The following INHBC variants were observed in gnomAD, a reference collection of about 807,000 sequenced individuals.
INHBC encodes the protein inhibin subunit beta C.
A neutral mutation model predicts 12.4 loss-of-function variants in INHBC; 10 were observed. The ratio of observed to expected loss-of-function variants is 0.81; its 90% CI spans 0.50 to 1.37. The LOEUF (loss-of-function observed/expected upper bound fraction) is 1.37, where lower values mean the gene tolerates loss of function less well. INHBC is among the 40% of genes most tolerant of loss of function. INHBC has a pLI of 0.00. For synonymous variants in INHBC, 147 were observed against 171.6 expected, an observed-to-expected ratio of 0.86 and a Z score of 1.12; for missense variants, 382 against 439.4, an observed-to-expected ratio of 0.87 and a Z score of 1.17.
intron 1 of INHBC, among the ~76,000 whole-genome samples, chr12:57,447,453 G>A (rs1452509306): frequency 6.6e-6 from 1 of 151,490 alleles, no homozygotes; most frequent in Non-Finnish European, 1.5e-5. Context: ...CCAAAGTGCT[G>A]GGATTACAGA....
In INHBC at chr12:57,436,226, A is replaced by G. The variant is rs1263189195; in HGVS notation, c.313+1027A>G. Among the ~76,000 whole-genome samples the G allele has an allele frequency of 2.8e-5, 4 of 141,082 alleles. No individual in the cohort carries two copies. In the East Asian group the frequency reaches 8.4e-4, roughly 30 times the overall value. 92.6% of individuals were successfully genotyped at this position (141,082 alleles called of 152,430 possible). On this transcript the variant is annotated intron_variant, in intron 1 of 1. Coordinates refer to ENST00000309668, the MANE Select transcript of INHBC (RefSeq NM_005538.4). ...GTCACCCAGGCTGGAGTGCAATGGC[A>G]TGGTCTCAGGTCACTGCAACCTCTG... is the stretch of plus-strand genomic sequence containing the variant.
intron 1 of INHBC, among the ~76,000 whole-genome samples, chr12:57,438,526 T>G (rs1331878266): frequency 6.6e-6 from 1 of 152,208 alleles, no homozygotes; most frequent in East Asian, 1.9e-4. Context: ...ATCCCAAGTT[T>G]CTTTAGAGAA....
rs1566551457 is a variant in INHBC at position 57,447,919 on chromosome 12, AT to A, written c.314-1357del. Among the ~76,000 whole-genome samples, 496 of 111,054 alleles carry A rather than the reference AT, an allele frequency of 4.5e-3. 14 individuals are homozygous for A. Among genetic ancestry groups the A allele is most frequent in the African/African-American group, 0.016 (473 of 29,942 alleles). The allele number at this position is 111,054 out of a possible 152,430, so 72.9% of individuals were successfully genotyped here. A position where few individuals can be genotyped will look rare whatever the true frequency, so the allele number is the denominator to read the frequency against. ...TATATATATATATATATATATATATATATAAAATATATGTGTGTGTGCTTGT... is the reference window on the plus strand; with the variant it reads ...TATATATATATATATATATATATATAATAAAATATATGTGTGTGTGCTTGT... On this transcript the variant is annotated intron_variant, in intron 1 of 1. Coordinates refer to ENST00000309668, the MANE Select transcript of INHBC (RefSeq NM_005538.4).
Position 57,436,384 on chromosome 12 carries a change from C to T in INHBC, c.313+1185C>T, listed in dbSNP as rs185910582. 1.4e-3 allele frequency among the ~76,000 whole-genome samples: 214 copies of T among 151,122 alleles called. 2 individuals are homozygous for T. The highest frequency in any genetic ancestry group is 4.9e-3 in the African/African-American group (200 of 41,216). ...TTCACTATGTTGGCCACGCTGGTCTCGAACTCCTGACCTCGTGATCCGCCT... is the reference window on the plus strand; with the variant it reads ...TTCACTATGTTGGCCACGCTGGTCTTGAACTCCTGACCTCGTGATCCGCCT... On this transcript the variant is annotated intron_variant, in intron 1 of 1. Coordinates refer to ENST00000309668, the MANE Select transcript of INHBC (RefSeq NM_005538.4).
rs138308060 is a variant in INHBC, at chr12:57,449,636, G to T, written c.673G>T (p.Val225Leu). 6.2e-7 allele frequency: 1 copy of T among 1,614,252 alleles called. No homozygotes were observed. The highest frequency in any genetic ancestry group is 2.2e-5 in the East Asian group (1 of 44,886). ...AAHRPFVAAR[V>L]RVGGKHQIHR... ...CCATAGGCCTTTTGTGGCAGCCCGGGTGAGAGTTGGGGGCAAACACCAGAT... is the reference window on the plus strand; with the variant it reads ...CCATAGGCCTTTTGTGGCAGCCCGGTTGAGAGTTGGGGGCAAACACCAGAT... Residue 225 changes from valine (V) to leucine (L), a missense_variant, in exon 2 of 2, where the codon GTG becomes TTG. Transcript: ENST00000309668.
chr12:57,435,332 T>G, intron 1 of INHBC, 133 bp downstream of exon 1: 37 of 863,482 alleles, frequency 4.3e-5, no homozygotes, highest in Non-Finnish European at 6.0e-5. Flanking sequence ...TATAATCTCC[T>G]TACCCAGGTG....
At position 57,449,709 on chromosome 12, in the gene INHBC, G is replaced by C. The variant is rs61740571; in HGVS notation, c.746G>C (p.Arg249Pro). ...CAAGGAGGGTCCAGGATGTGCTGTC[G>C]ACAAGAGTTTTTTGTGGACTTCCGT... ...DCQGGSRMCC[R>P]QEFFVDFREI... Residue 249 changes from arginine to proline, a missense_variant, in exon 2 of 2, where the codon CGA becomes CCA. Physicochemically the swap from Arg to Pro is moderately radical, Grantham distance 103 (BLOSUM62 -2). Transcript: ENST00000309668. 1.2e-6 allele frequency: 2 copies of C among 1,614,204 alleles called. No homozygotes were observed. Among genetic ancestry groups the C allele is most frequent in the Admixed American group, 3.3e-5 (2 of 60,028 alleles).
At position 57,434,813 on chromosome 12, in the gene INHBC, G is replaced by C; in HGVS notation, c.-74G>C. 7.1e-7 allele frequency: 1 copy of C among 1,411,668 alleles called. No homozygotes were observed. The highest frequency in any genetic ancestry group is 9.7e-7 in the Non-Finnish European group (1 of 1,032,782). 87.4% of individuals were successfully genotyped at this position (1,411,668 alleles called of 1,614,324 possible). ...TTCTTCCAGGGCCTCTGGCAGCCAG[G>C]ACAGAGTTGAGACCACAGCTGTTGA... On this transcript the variant is annotated 5_prime_UTR_variant, in exon 1 of 2. Transcript: ENST00000309668.
At chr12:57,436,465 T>C (rs1870342206) in intron 1 of INHBC, among the ~76,000 whole-genome samples, 1 of 143,294 alleles carries the variant, frequency 7.0e-6, no homozygotes, top group African/African-American at 2.5e-5. Flanking sequence ...GCCTGGCCTT[T>C]TCTTTTTCTT....
rs1295498051 is a variant in INHBC at position 57,450,549 on chromosome 12, CCTT to C, written c.*531_*533del. 6.6e-6 allele frequency: 1 copy of C among 152,404 alleles called. No homozygotes were observed. Among genetic ancestry groups the C allele is most frequent in the Non-Finnish European group, 1.5e-5 (1 of 68,204 alleles). The allele number at this position is 152,404 out of a possible 1,614,324, so 9.4% of individuals were successfully genotyped here. On this transcript the variant is annotated 3_prime_UTR_variant, in exon 2 of 2. Transcript: ENST00000309668. ...CCCCCTCTTTGTTGTGAGCCCCTGTCCTTCTTAGTTGTCCAGGTGAACTACTAA... is the reference window on the plus strand; with the variant it reads ...CCCCCTCTTTGTTGTGAGCCCCTGTCCTTAGTTGTCCAGGTGAACTACTAA...
intron 1 of INHBC, among the ~76,000 whole-genome samples, chr12:57,443,438 C>G (rs1870511206): frequency 6.6e-6 from 1 of 152,000 alleles, no homozygotes; most frequent in African/African-American, 2.4e-5. Flanking sequence ...GCATGCGCCA[C>G]CACGCCCGGC....
chr12:57,447,697 C>CAACA (rs1870609657), intron 1 of INHBC, among the ~76,000 whole-genome samples: 2 of 147,178 alleles, frequency 1.4e-5, no homozygotes, highest in South Asian at 4.4e-4. Flanking sequence ...CCAGCCTGAC[C>CAACA]AACATGGAGA....
At chr12:57,445,971 G>A (rs1294992178) in intron 1 of INHBC, among the ~76,000 whole-genome samples, 2 of 151,334 alleles carry the variant, frequency 1.3e-5, no homozygotes, top group Non-Finnish European at 2.9e-5. Flanking sequence ...GTCTCGCTGT[G>A]TTGCCCAGGG....
chr12:57,451,421 C>A lies in INHBC; in HGVS notation c.*1399C>A, dbSNP rs1870710258. Among the ~76,000 whole-genome samples the A allele has an allele frequency of 6.6e-6, 1 of 152,172 alleles. No homozygotes were observed. The highest frequency in any genetic ancestry group is 1.5e-5 in the Non-Finnish European group (1 of 68,032). ...ATGGGCAAGGGCTGCTGGAGTGGGA[C>A]AGGGAGAAGAGGAAGGCCTGGATGA... is the stretch of plus-strand genomic sequence containing the variant. On this transcript the variant is annotated 3_prime_UTR_variant, in exon 2 of 2. Transcript: ENST00000309668.
At chr12:57,438,724 C>G (rs890187299) in intron 1 of INHBC, among the ~76,000 whole-genome samples, 3 of 152,204 alleles carry the variant, frequency 2.0e-5, no homozygotes, top group African/African-American at 7.2e-5. Context: ...GACTACCAAT[C>G]TAGCAGCCTA....
intron 1 of INHBC, among the ~76,000 whole-genome samples, chr12:57,447,905 ATATATATATATATATAT>A (rs1870623195): frequency 9.4e-6 from 1 of 105,932 alleles, no homozygotes; most frequent in African/African-American, 3.3e-5. Context: ...ATATATATAT[ATATATATATATATATAT>A]AAAATATATG....
At chr12:57,438,778 C>G (rs1313670058) in intron 1 of INHBC, among the ~76,000 whole-genome samples, 1 of 152,134 alleles carries the variant, frequency 6.6e-6, no homozygotes, top group African/African-American at 2.4e-5. Context: ...ATCTCTCCCA[C>G]AAGCAAAATA....
At chr12:57,438,483 C>G (rs1020802384) in intron 1 of INHBC, among the ~76,000 whole-genome samples, 3 of 152,222 alleles carry the variant, frequency 2.0e-5, no homozygotes, top group Non-Finnish European at 4.4e-5. Context: ...GTAACAGCCT[C>G]TCTCCATGAA....
chr12:57,443,929 C>T (rs761364676), intron 1 of INHBC, among the ~76,000 whole-genome samples: 114 of 152,246 alleles, frequency 7.5e-4, no homozygotes, highest in Non-Finnish European at 1.6e-4. Context: ...GCTGGGACTA[C>T]AGGTGCATGC....
Sources: gnomAD v4.1 joint callset for allele counts (sites outside exome capture counted in the v4.1 genomes callset) on GRCh38, gnomAD v4.1.1 for gene constraint, MANE v1.5 for transcripts, NCBI Gene and HGNC (gene_info 2026-07-23, HGNC 2026-07-21) for gene names.